Variants in SPTBN5 observed in about 807,000 individuals in gnomAD.
SPTBN5 encodes the protein spectrin beta chain, non-erythrocytic 5.
In SPTBN5, 513 loss-of-function variants were observed where a neutral mutation model predicts 477.6. The ratio of observed to expected loss-of-function variants is 1.07; its 90% CI spans 1.00 to 1.16. The LOEUF (loss-of-function observed/expected upper bound fraction) is 1.16. Ranked by LOEUF, SPTBN5 falls within the 50% of genes most tolerant of loss-of-function variation. The pLI, the probability that SPTBN5 is intolerant of heterozygous loss-of-function variation, is 0.00. For missense variants in SPTBN5, 5,062 were observed against 4,731.8 expected (o/e 1.07, Z -2.05); for synonymous variants, 2,169 against 2,011.7 (o/e 1.08, Z -2.09).
intron 4 of SPTBN5, among the ~76,000 whole-genome samples, chr15:41,889,313 T>C (rs966649843): frequency 1.3e-5 from 2 of 152,266 alleles, no homozygotes; most frequent in Non-Finnish European, 2.9e-5. Context: ...CTGGCTTCTT[T>C]TCATGAGGGT....
Position 41,861,723 on chromosome 15 carries a change from G to T in SPTBN5, c.7737+12C>A, listed in dbSNP as rs912718146. ...GGGGCAAGATGCAGGCTGGGGATGG[G>T]ACTGTGCCTGCCTGTAGCTCCAGGG... On this transcript the variant is annotated intron_variant, in intron 45 of 67. Coordinates refer to ENST00000320955, the MANE Select transcript of SPTBN5 (RefSeq NM_016642.4). The T allele has an allele frequency of 2.6e-6, 4 of 1,537,152 alleles. 1 individual carries two copies. Among genetic ancestry groups the T allele is most frequent in the Middle Eastern group, 2.0e-4 (1 of 4,978 alleles).
Position 41,863,896 on chromosome 15 carries a change from G to A in SPTBN5, c.7034+13C>T. 6.2e-7 allele frequency: 1 copy of A among 1,613,650 alleles called. No homozygotes were observed. Among genetic ancestry groups the A allele is most frequent in the Non-Finnish European group, 8.5e-7 (1 of 1,179,698 alleles). On this transcript the variant is annotated intron_variant, in intron 40 of 67. Transcript: ENST00000320955. ...CTTCCCGGCCCTTTGGTTCTCCCCA[G>A]CCTGGGACTGGCCTGTTGTTGAGCT...
chr15:41,887,250 A>C lies in SPTBN5; in HGVS notation c.851T>G (p.Leu284Arg), dbSNP rs2067183111. 6.4e-7 allele frequency: 1 copy of C among 1,551,212 alleles called. No individual in the cohort carries two copies. The highest frequency in any genetic ancestry group is 8.7e-7 in the Non-Finnish European group (1 of 1,146,968). Reference protein sequence around the residue: ...VSLYYHYCSRLHQGQTVQRRL... With the variant: ...VSLYYHYCSRRHQGQTVQRRL... ...CCTCTGGACAGTCTGCCCCTGATGC[A>C]GGCGGGAGCAGTAGTGGTAGTAGAG... Residue 284 changes from leucine to arginine, a missense_variant, in exon 6 of 68, where the codon CTG (leucine) becomes CGG (arginine). Leu to Arg is a moderately radical substitution (Grantham distance 102). Coordinates refer to ENST00000320955, the MANE Select transcript of SPTBN5 (RefSeq NM_016642.4).
intron 12 of SPTBN5, 85 bp downstream of exon 12, chr15:41,881,851 A>G (rs1002619729): frequency 1.3e-5 from 17 of 1,322,592 alleles, no homozygotes; most frequent in African/African-American, 3.1e-5. Context: ...AGAGGCCACA[A>G]AGGCCCTCCC....
chr15:41,882,301 C>G lies in SPTBN5; in HGVS notation c.2215G>C (p.Ala739Pro), dbSNP rs1414114723. 3.2e-5 allele frequency: 48 copies of G among 1,510,474 alleles called. No individual in the cohort carries two copies. The highest frequency in any genetic ancestry group is 4.2e-5 in the Non-Finnish European group (48 of 1,131,834). The allele number at this position is 1,510,474 out of a possible 1,614,324, so 93.6% of individuals were successfully genotyped here. A position where few individuals can be genotyped will look rare whatever the true frequency, so the allele number is the denominator to read the frequency against. The change falls in exon 11 of 68, where the codon GCA (alanine) becomes CCA (proline). Residue 739 changes from alanine to proline, a missense_variant. Coordinates refer to ENST00000320955, the MANE Select transcript of SPTBN5 (RefSeq NM_016642.4). ...ACCAGCAGGGCTGTCTGCAGCCGTGCGCCCCGCCCCACCACCCGGGTCTGG... is the reference window on the plus strand; with the variant it reads ...ACCAGCAGGGCTGTCTGCAGCCGTGGGCCCCGCCCCACCACCCGGGTCTGG... ...LLQTRVVGRG[A>P]RLQTALLVLQ...
intron 36 of SPTBN5, 110 bp downstream of exon 36, chr15:41,866,848 GC>G (rs1220710101): frequency 7.4e-7 from 1 of 1,353,602 alleles, no homozygotes; most frequent in Admixed American, 2.6e-5. Flanking sequence ...CTCTGGGAAA[GC>G]CATCCACCCC....
At chr15:41,851,028 G>A (rs1364588213) in intron 65 of SPTBN5, 31 bp downstream of exon 65, 3 of 1,602,098 alleles carry the variant, frequency 1.9e-6, no homozygotes, top group Admixed American at 3.4e-5. Flanking sequence ...GCTGCTGGGG[G>A]TGATGCCGGA....
chr15:41,856,714 C>A, intron 52 of SPTBN5, 116 bp from the exon 53 acceptor site: 1 of 1,344,060 alleles, frequency 7.4e-7, no homozygotes, highest in Non-Finnish European at 1.0e-6. Flanking sequence ...TCCCTGTCCC[C>A]ATGACTCCCA....
At chr15:41,882,548 C>T (rs758494107) in intron 10 of SPTBN5, 37 bp downstream of exon 10, 2 of 1,594,902 alleles carry the variant, frequency 1.3e-6, no homozygotes, top group Non-Finnish European at 1.7e-6. Flanking sequence ...AAGGGCAAGG[C>T]GCTGGCGACC....
chr15:41,875,633 G>A lies in SPTBN5; in HGVS notation c.4123-11C>T. On this transcript the variant is annotated splice_polypyrimidine_tract_variant and intron_variant, in intron 21 of 67. Transcript: ENST00000320955. ...CAGCTCTCTCCCAACCTGGAGTGGA[G>A]ATAAAGGCCCAGGGAGTTTGGCTGA... The A allele has an allele frequency of 6.4e-7, 1 of 1,571,406 alleles. No homozygotes were observed. Among genetic ancestry groups the A allele is most frequent in the Non-Finnish European group, 8.6e-7 (1 of 1,158,346 alleles).
chr15:41,885,633 C>T, intron 7 of SPTBN5, 102 bp downstream of exon 7: 1 of 1,384,058 alleles, frequency 7.2e-7, no homozygotes, highest in Non-Finnish European at 9.6e-7. Context: ...ATAAATCATC[C>T]CTCTCCTCTC....
chr15:41,893,346 C>G lies in SPTBN5; in HGVS notation c.152G>C (p.Arg51Pro). Residue 51 changes from arginine (R) to proline (P), a missense_variant, in exon 2 of 68, where the codon CGG becomes CCG. Arg to Pro is a moderately radical substitution (Grantham distance 103). Coordinates refer to ENST00000320955, the MANE Select transcript of SPTBN5 (RefSeq NM_016642.4). ...AGTCTTCTCCTGCATCTGCATGTGC[C>G]GGGCCTGTAGCTTGCGAATGTGGCC... ...ETGHIRKLQA[R>P]HMQMQEKTFT... 1 of 1,613,966 alleles carries G rather than the reference C, an allele frequency of 6.2e-7. No homozygotes were observed. Among genetic ancestry groups the G allele is most frequent in the Non-Finnish European group, 8.5e-7 (1 of 1,179,890 alleles).
Position 41,851,035 on chromosome 15 carries a change from C to T in SPTBN5, c.10835+24G>A, listed in dbSNP as rs376462585. ...GCCAGGTGGCTGCTGGGGGTGATGCCGGAGTCCATGTCTCTCCGCTCACCT... is the reference window on the plus strand; with the variant it reads ...GCCAGGTGGCTGCTGGGGGTGATGCTGGAGTCCATGTCTCTCCGCTCACCT... On this transcript the variant is annotated intron_variant, in intron 65 of 67. Coordinates refer to ENST00000320955, the MANE Select transcript of SPTBN5 (RefSeq NM_016642.4). 258 of 1,605,148 alleles carry T rather than the reference C, an allele frequency of 1.6e-4. 1 individual carries two copies. In the East Asian group the frequency reaches 3.4e-3, roughly 21 times the overall value.
rs2140902525 is a variant in SPTBN5, at chr15:41,848,197, AGGCTCTT to A, written c.*412_*418del. On this transcript the variant is annotated 3_prime_UTR_variant, in exon 68 of 68. Transcript: ENST00000320955. ...CTGCTGAGAAGGGCCATGTCATTCT[AGGCTCTT>A]GGCTGTACATGGCAAGGGCTGGTAC... 1 of 509,770 alleles carries A rather than the reference AGGCTCTT, an allele frequency of 2.0e-6. No homozygotes were observed. The highest frequency in any genetic ancestry group is 2.2e-5 in the South Asian group (1 of 45,952). The allele number at this position is 509,770 out of a possible 1,614,324, so 31.6% of individuals were successfully genotyped here.
intron 46 of SPTBN5, among the ~76,000 whole-genome samples, chr15:41,861,183 C>T (rs1311669643): frequency 1.3e-5 from 2 of 152,204 alleles, no homozygotes; most frequent in Non-Finnish European, 2.9e-5. Flanking sequence ...GGGTCAGGCC[C>T]ACACAGGCAC....
At position 41,876,857 on chromosome 15, in the gene SPTBN5, C is replaced by G; in HGVS notation, c.3803G>C (p.Arg1268Pro). The G allele has an allele frequency of 6.2e-7, 1 of 1,610,502 alleles. No individual in the cohort carries two copies. Among genetic ancestry groups the G allele is most frequent in the Non-Finnish European group, 8.5e-7 (1 of 1,179,848 alleles). Residue 1268 changes from arginine to proline, a missense_variant, in exon 19 of 68, where the codon CGG becomes CCG. Coordinates refer to ENST00000320955, the MANE Select transcript of SPTBN5 (RefSeq NM_016642.4). The stretch of plus-strand genomic sequence containing the variant: ...CTGAACCAGCTTCTCGCCGTGTGCC[C>G]GCAGAGCCTCTGCCCGAGGCCCCAG... ...STLGPRAEAL[R>P]AHGEKLVQSQ...
rs1308083102 is a variant in SPTBN5 at position 41,862,841 on chromosome 15, C to T, written c.7212G>A (p.Arg2404=). The change falls in exon 42 of 68, where the codon CGG becomes CGA. Residue 2404 remains arginine (R), a synonymous_variant. Transcript: ENST00000320955. Reference sequence around the variant, plus strand: ...CTTCCCGCTCCAGCTCCTCGTGTTTCCGCAGCAGCCTCTGCACGCTCTCCA... The same window carrying T: ...CTTCCCGCTCCAGCTCCTCGTGTTTTCGCAGCAGCCTCTGCACGCTCTCCA... ...KDLESVQRLL[R]KHEELEREVH... is the part of the protein sequence containing the mutation. 6.3e-7 allele frequency: 1 copy of T among 1,590,430 alleles called. No homozygotes were observed. Among genetic ancestry groups the T allele is most frequent in the East Asian group, 2.3e-5 (1 of 43,600 alleles).
Position 41,851,191 on chromosome 15 carries a change from A to G in SPTBN5, c.10744-41T>C, listed in dbSNP as rs144861843. 44 of 1,596,624 alleles carry G rather than the reference A, an allele frequency of 2.8e-5. No individual in the cohort carries two copies. The African/African-American group carries it at 4.5e-4, about 17-fold the overall frequency. ...AGGCAGGGGTCACTGCGGCCATCTC[A>G]GCTTTTCCCTGTGGGGTCCCTCTGT... On this transcript the variant is annotated intron_variant, in intron 64 of 67. Transcript: ENST00000320955.
rs2066740150 is a variant in SPTBN5, at chr15:41,876,647, C to T, written c.3852G>A (p.Thr1284=). 1 of 1,559,624 alleles carries T rather than the reference C, an allele frequency of 6.4e-7. No homozygotes were observed. Among genetic ancestry groups the T allele is most frequent in the Non-Finnish European group, 8.6e-7 (1 of 1,156,572 alleles). ...GGATACTCTGCAGCTGCTCTCTGAC[C>T]CTGGAGGGCGGGGGGGGGTTGGAGG... is the stretch of plus-strand genomic sequence containing the variant. The part of the protein sequence containing the change: ...LVQSQHPAAH[T]VREQLQSIQA... Residue 1284 remains threonine (T), a splice_region_variant and synonymous_variant, in exon 20 of 68, where the codon ACG becomes ACA. Coordinates refer to ENST00000320955, the MANE Select transcript of SPTBN5 (RefSeq NM_016642.4).
Sources: allele counts gnomAD v4.1 joint callset (sites outside exome capture counted in the v4.1 genomes callset), GRCh38; gene constraint gnomAD v4.1.1; transcripts MANE v1.5; gene names NCBI Gene and HGNC (gene_info 2026-07-23, HGNC 2026-07-21).